MGLL: variants seen among roughly 807,000 people sequenced by gnomAD.
MGLL encodes the protein monoglyceride lipase, also known as lysophospholipase homolog.
A neutral mutation model predicts 29.1 loss-of-function variants in MGLL; 7 were observed. The observed-to-expected ratio is 0.24, with a 90% CI of 0.14 to 0.45. The LOEUF (loss-of-function observed/expected upper bound fraction) is 0.45. Ranked by LOEUF, MGLL falls within the 20% of genes least tolerant of loss-of-function variation. The pLI, the probability that MGLL is intolerant of heterozygous loss-of-function variation, is 0.99. For synonymous variants in MGLL, 148 were observed against 168.3 expected (o/e 0.88, Z 0.93); for missense variants, 356 against 413.6 (o/e 0.86, Z 1.21).
intron 4 of MGLL, 93 bp from the exon 5 acceptor site, chr3:127,721,256 A>T: frequency 9.0e-7 from 1 of 1,109,044 alleles, no homozygotes; most frequent in Non-Finnish European, 1.3e-6. Context: ...CTTAAGCTGC[A>T]GTCCTGGCCA....
chr3:127,804,173 C>T (rs1364729816), intron 2 of MGLL, among the ~76,000 whole-genome samples: 2 of 152,232 alleles, frequency 1.3e-5, no homozygotes, highest in Non-Finnish European at 2.9e-5. Flanking sequence ...AAAAGCTGAT[C>T]TGGAGCCATT....
At chr3:127,705,132 A>G (rs955175438) in intron 6 of MGLL, among the ~76,000 whole-genome samples, 3 of 152,206 alleles carry the variant, frequency 2.0e-5, no homozygotes, top group African/African-American at 4.8e-5. Flanking sequence ...CTGAAAACCA[A>G]ACACCACATG....
chr3:127,782,011 A>C, intron 2 of MGLL, 116 bp from the exon 3 acceptor site: 1 of 892,114 alleles, frequency 1.1e-6, no homozygotes, highest in South Asian at 1.4e-5. Flanking sequence ...GCCTGAGCTC[A>C]GGAGTTTGAG....
intron 2 of MGLL, among the ~76,000 whole-genome samples, chr3:127,809,462 C>T (rs762089885): frequency 6.6e-5 from 10 of 151,928 alleles, no homozygotes; most frequent in Non-Finnish European, 1.3e-4. Flanking sequence ...CCTGTGTCTG[C>T]AAAAAATTTA....
At chr3:127,760,572 TGACA>T (rs2076746108) in intron 3 of MGLL, among the ~76,000 whole-genome samples, 1 of 152,234 alleles carries the variant, frequency 6.6e-6, no homozygotes, top group Admixed American at 6.5e-5. Context: ...ACGGCACCCC[TGACA>T]GACTGCGCGT....
In MGLL at chr3:127,771,524, T is replaced by A. The variant is rs116819327; in HGVS notation, c.262+10265A>T. On this transcript the variant is annotated intron_variant, in intron 3 of 7. Coordinates refer to ENST00000265052, the MANE Select transcript of MGLL (RefSeq NM_007283.7). Reference sequence around the variant, plus strand: ...GGCATGCACCTTTAAGCACTGCTAATTTTTGTGTTTTTTAAGAGACAGGGT... The same window carrying A: ...GGCATGCACCTTTAAGCACTGCTAAATTTTGTGTTTTTTAAGAGACAGGGT... Among the ~76,000 whole-genome samples the A allele has an allele frequency of 5.6e-3, 855 of 152,184 alleles. 7 individuals are homozygous for A. The highest frequency in any genetic ancestry group is 0.018 in the African/African-American group (766 of 41,506).
intron 2 of MGLL, among the ~76,000 whole-genome samples, chr3:127,817,884 G>T (rs1241711980): frequency 2.0e-5 from 3 of 152,238 alleles, no homozygotes; most frequent in Non-Finnish European, 4.4e-5. Flanking sequence ...CCACAAAGCG[G>T]CTTGCCCCCA....
rs1007445286 is a variant in MGLL at position 127,822,240 on chromosome 3, G to T, written c.10+69C>A. On this transcript the variant is annotated intron_variant, in intron 1 of 7. Coordinates refer to ENST00000265052, the MANE Select transcript of MGLL (RefSeq NM_007283.7). ...ATCTCCAAGGAACAGTTTCAAGTGG[G>T]CACAATAATGAGGTGGATGATACTC... The T allele has an allele frequency of 2.6e-6, 4 of 1,524,142 alleles. No individual in the cohort carries two copies. In the African/African-American group the frequency reaches 5.5e-5, roughly 21 times the overall value. 94.4% of individuals were successfully genotyped at this position (1,524,142 alleles called of 1,614,324 possible).
intron 3 of MGLL, among the ~76,000 whole-genome samples, chr3:127,732,847 C>T (rs538328512): frequency 1.3e-5 from 2 of 152,268 alleles, no homozygotes; most frequent in South Asian, 2.1e-4. Context: ...ATGAGGCCAC[C>T]GAGTGCACTG....
chr3:127,770,300 A>G (rs993105402), intron 3 of MGLL, among the ~76,000 whole-genome samples: 4 of 152,056 alleles, frequency 2.6e-5, no homozygotes, highest in Non-Finnish European at 5.9e-5. Flanking sequence ...GGGATTACAG[A>G]TGTGAACCAC....
At chr3:127,694,565 C>A (rs2075319948) in intron 7 of MGLL, among the ~76,000 whole-genome samples, 1 of 152,036 alleles carries the variant, frequency 6.6e-6, no homozygotes, top group Non-Finnish European at 1.5e-5. Context: ...CCTGTGTGCC[C>A]TGAGCCCTCT....
chr3:127,808,738 TCTC>T (rs1362072034), intron 2 of MGLL, among the ~76,000 whole-genome samples: 1 of 152,190 alleles, frequency 6.6e-6, no homozygotes, highest in Non-Finnish European at 1.5e-5. Context: ...CAGCCTCTCT[TCTC>T]CTGCTCATTC....
Position 127,721,843 on chromosome 3 carries a change from G to A in MGLL, c.399+587C>T, listed in dbSNP as rs116675254. ...AATTCAAGCAGTTCAATATATCTTG[G>A]TCAGCCAACCAGCCTGCTTTGTCTG... is the stretch of plus-strand genomic sequence containing the variant. On this transcript the variant is annotated intron_variant, in intron 4 of 7. Transcript: ENST00000265052. Among the ~76,000 whole-genome samples the A allele has an allele frequency of 1.3e-3, 184 of 137,778 alleles. 2 individuals are homozygous for A. Among genetic ancestry groups the A allele is most frequent in the African/African-American group, 4.2e-3 (172 of 40,788 alleles). 90.4% of individuals were successfully genotyped at this position (137,778 alleles called of 152,430 possible). A position where few individuals can be genotyped will look rare whatever the true frequency, so the allele number is the denominator to read the frequency against.
intron 3 of MGLL, among the ~76,000 whole-genome samples, chr3:127,747,983 A>G (rs1221731225): frequency 1.3e-5 from 2 of 152,182 alleles, no homozygotes; most frequent in Non-Finnish European, 2.9e-5. Context: ...ATGGGGACAG[A>G]TGCTCTCTCT....
intron 3 of MGLL, among the ~76,000 whole-genome samples, chr3:127,779,013 C>T (rs1385552957): frequency 6.6e-6 from 1 of 152,204 alleles, no homozygotes; most frequent in Non-Finnish European, 1.5e-5. Flanking sequence ...CCTCAGCCTC[C>T]CAAAGTGCTG....
chr3:127,754,204 C>T (rs2076614207), intron 3 of MGLL, among the ~76,000 whole-genome samples: 1 of 152,192 alleles, frequency 6.6e-6, no homozygotes. Flanking sequence ...ACTCAGAGGT[C>T]ACGACCCGCC....
intron 6 of MGLL, among the ~76,000 whole-genome samples, chr3:127,709,582 A>C (rs956427365): frequency 2.6e-5 from 4 of 152,178 alleles, no homozygotes; most frequent in Non-Finnish European, 4.4e-5. Context: ...GAACATCCCC[A>C]GAATGCTAGA....
At chr3:127,740,191 T>A (rs1389874028) in intron 3 of MGLL, among the ~76,000 whole-genome samples, 1 of 152,252 alleles carries the variant, frequency 6.6e-6, no homozygotes, top group Non-Finnish European at 1.5e-5. Flanking sequence ...ATAACCTAAA[T>A]TGACCGCCTT....
intron 2 of MGLL, among the ~76,000 whole-genome samples, chr3:127,800,540 TTGGCTACTGTTA>T (rs111333614): frequency 6.6e-6 from 1 of 152,216 alleles, no homozygotes; most frequent in Admixed American, 6.5e-5. Flanking sequence ...CACAATAAAG[TTGGCTACTGTTA>T]TGGCTACTGT....
Sources: gnomAD v4.1 joint callset for allele counts (sites outside exome capture counted in the v4.1 genomes callset) on GRCh38, gnomAD v4.1.1 for gene constraint, MANE v1.5 for transcripts, NCBI Gene and HGNC (gene_info 2026-07-23, HGNC 2026-07-21) for gene names.